KIF15: variants seen among roughly 807,000 people sequenced by gnomAD.
KIF15 encodes the protein kinesin family member 15, also known as kinesin-like protein KIF15.
A neutral mutation model predicts 190.6 loss-of-function variants in KIF15; 140 were observed. That is an observed-to-expected ratio of 0.73 (90% confidence interval 0.64 to 0.84). KIF15 has a LOEUF of 0.84. Among genes scored for constraint, KIF15 ranks in the 40% least tolerant of loss-of-function variants. The pLI is 0.00. For missense variants in KIF15, 1,372 were observed against 1,584.4 expected, an observed-to-expected ratio of 0.87 and a Z score of 2.28; for synonymous variants, 528 against 551.3, an observed-to-expected ratio of 0.96 and a Z score of 0.59.
intron 24 of KIF15, 136 bp from the exon 25 acceptor site, chr3:44,829,835 C>T (rs1036570760): frequency 1.4e-4 from 27 of 190,268 alleles, no homozygotes; most frequent in Non-Finnish European, 2.1e-4. Context: ...TAAATTGATA[C>T]TAATGTGACA....
chr3:44,803,845 T>C (rs1047566254), intron 14 of KIF15, among the ~76,000 whole-genome samples: 2 of 152,184 alleles, frequency 1.3e-5, no homozygotes, highest in African/African-American at 4.8e-5. Flanking sequence ...GCAAAATTAC[T>C]ATCAGGTTTT....
At chr3:44,856,765 A>C (rs1446908296), downstream of KIF15, among the ~76,000 whole-genome samples, 1 of 152,078 alleles carries the variant, frequency 6.6e-6, no homozygotes, top group Non-Finnish European at 1.5e-5. Context: ...CCTTGAGAAG[A>C]GTTTTTATTA....
At chr3:44,824,602 T>C (rs947438848) in intron 20 of KIF15, among the ~76,000 whole-genome samples, 3 of 152,244 alleles carry the variant, frequency 2.0e-5, no homozygotes, top group Admixed American at 2.0e-4. Context: ...CAACTCAAAC[T>C]ATTTTGTGTA....
chr3:44,788,143 G>A (rs1706502450), intron 7 of KIF15, among the ~76,000 whole-genome samples: 2 of 152,306 alleles, frequency 1.3e-5, no homozygotes, highest in South Asian at 4.1e-4. Flanking sequence ...ATGAGCTACC[G>A]TGCCCGGCAC....
chr3:44,844,386 A>T (rs560845126), intron 30 of KIF15, among the ~76,000 whole-genome samples: 2 of 152,266 alleles, frequency 1.3e-5, no homozygotes, highest in Admixed American at 6.5e-5. Flanking sequence ...CTCCCTTTGT[A>T]GGTGATTCTG....
At chr3:44,801,263 A>G (rs1707265195) in intron 11 of KIF15, among the ~76,000 whole-genome samples, 187 bp from the exon 12 acceptor site, 1 of 151,722 alleles carries the variant, frequency 6.6e-6, no homozygotes, top group African/African-American at 2.4e-5. Context: ...GCTGACCTCA[A>G]GAAAGATATC....
intron 20 of KIF15, among the ~76,000 whole-genome samples, chr3:44,819,238 A>G (rs1030094559): frequency 2.0e-5 from 3 of 151,820 alleles, no homozygotes; most frequent in African/African-American, 7.3e-5. Context: ...TTATGTCTCT[A>G]TCTCCTTCAG....
intron 20 of KIF15, among the ~76,000 whole-genome samples, chr3:44,817,262 A>G (rs1708071379): frequency 6.6e-6 from 1 of 151,824 alleles, no homozygotes; most frequent in South Asian, 2.1e-4. Flanking sequence ...CCATTTGTCT[A>G]TTTTGTCTTT....
chr3:44,800,175 C>A, intron 10 of KIF15, 139 bp from the exon 11 acceptor site: 1 of 728,000 alleles, frequency 1.4e-6, no homozygotes, highest in South Asian at 2.0e-5. Flanking sequence ...ACTGTGATTC[C>A]TGTGTCCTTT....
chr3:44,852,039 T>C, intron 33 of KIF15, 87 bp downstream of exon 33: 1 of 1,482,984 alleles, frequency 6.7e-7, no homozygotes, highest in Non-Finnish European at 9.2e-7. Context: ...TGTGATTGGG[T>C]GTCCTTAGTT....
chr3:44,804,106 C>T (rs1037604480), intron 14 of KIF15, among the ~76,000 whole-genome samples: 2 of 152,138 alleles, frequency 1.3e-5, no homozygotes, highest in African/African-American at 4.8e-5. Flanking sequence ...CTTCGGCCTC[C>T]CAAAGTGCTG....
chr3:44,843,366 T>C (rs1698700673), intron 30 of KIF15, 132 bp downstream of exon 30: 3 of 621,170 alleles, frequency 4.8e-6, no homozygotes, highest in Admixed American at 6.2e-5. Context: ...GATGGTCTTT[T>C]GGTTGATTTT....
At chr3:44,802,792 G>A (rs371090881) in intron 13 of KIF15, 22 bp from the exon 14 acceptor site, 38 of 1,530,098 alleles carry the variant, frequency 2.5e-5, no homozygotes, top group Admixed American at 7.1e-5. Flanking sequence ...TATATAATGC[G>A]TGTAATTCTT....
chr3:44,813,630 G>GTTT (rs561892613), intron 19 of KIF15, among the ~76,000 whole-genome samples: 14 of 123,062 alleles, frequency 1.1e-4, no homozygotes, highest in Non-Finnish European at 1.7e-4. Flanking sequence ...TGTTTGTTTT[G>GTTT]TTTTTTTTTT....
intron 20 of KIF15, among the ~76,000 whole-genome samples, chr3:44,819,735 G>T (rs1455417721): frequency 6.6e-6 from 1 of 152,184 alleles, no homozygotes; most frequent in Admixed American, 6.5e-5. Flanking sequence ...ATTTGGGGTG[G>T]AGAGTTCTGT....
intron 6 of KIF15, among the ~76,000 whole-genome samples, chr3:44,866,847 T>A (rs1699327843): frequency 6.6e-6 from 1 of 152,158 alleles, no homozygotes; most frequent in Non-Finnish European, 1.5e-5. Context: ...CATCTGCAGG[T>A]CAGCCATTCT....
intron 7 of KIF15, among the ~76,000 whole-genome samples, chr3:44,788,578 C>G (rs960972485): frequency 6.6e-6 from 1 of 152,064 alleles, no homozygotes; most frequent in Admixed American, 6.6e-5. Context: ...CCTCAGCCTC[C>G]CTAGTAGCTG....
intron 20 of KIF15, among the ~76,000 whole-genome samples, chr3:44,825,418 G>C (rs1697585643): frequency 6.6e-6 from 1 of 152,160 alleles, no homozygotes; most frequent in East Asian, 1.9e-4. Flanking sequence ...ACATAAGCTA[G>C]GACATCTGCT....
Position 44,859,574 on chromosome 3 carries a change from C to G in KIF15, c.*59+6780C>G, listed in dbSNP as rs146269243. 3.5e-3 allele frequency among the ~76,000 whole-genome samples: 529 copies of G among 152,296 alleles called. 3 individuals are homozygous for G. Among genetic ancestry groups the G allele is most frequent in the Middle Eastern group, 0.01 (3 of 294 alleles). Reference sequence around the variant, plus strand: ...ACTCAGGAAGCTGAAGTGGGAGAATCACTTGAGCCCAGCAGGTTGAGGCTG... The same window carrying G: ...ACTCAGGAAGCTGAAGTGGGAGAATGACTTGAGCCCAGCAGGTTGAGGCTG... On this transcript the variant is annotated intron_variant and NMD_transcript_variant, in intron 6 of 6. Transcript: ENST00000422209.
Sources: allele counts gnomAD v4.1 joint callset (sites outside exome capture counted in the v4.1 genomes callset), GRCh38; gene constraint gnomAD v4.1.1; transcripts MANE v1.5; gene names NCBI Gene and HGNC (gene_info 2026-07-23, HGNC 2026-07-21).